FMN1: variants seen among roughly 807,000 people sequenced by gnomAD.
The protein encoded by FMN1 is formin 1.
Under a neutral mutation model 132.4 loss-of-function variants are expected in FMN1, and 110 were observed. That is an observed-to-expected ratio of 0.83 (90% CI 0.71 to 0.97). FMN1 has a LOEUF of 0.97. Ranked by LOEUF, FMN1 falls within the 50% of genes least tolerant of loss-of-function variation. FMN1 has a pLI of 0.00. For synonymous variants in FMN1, 722 were observed against 651.7 expected (o/e 1.11, Z -1.64); for missense variants, 1,792 against 1,705.3 (o/e 1.05, Z -0.90).
intron 5 of FMN1, among the ~76,000 whole-genome samples, chr15:33,082,838 T>C (rs183286287): frequency 5.8e-4 from 88 of 150,820 alleles, no homozygotes; most frequent in African/African-American, 1.9e-3. Flanking sequence ...ATAGAGTTAG[T>C]TAATAAAATA....
intron 6 of FMN1, among the ~76,000 whole-genome samples, chr15:33,011,385 G>A (rs1360920285): frequency 2.6e-5 from 4 of 151,962 alleles, no homozygotes. Flanking sequence ...GACAAAACTG[G>A]ATCCTAACCT....
At position 33,124,183 on chromosome 15, in the gene FMN1, G is replaced by A. The variant is rs1010636292; in HGVS notation, c.1867+28865C>T. On this transcript the variant is annotated intron_variant, in intron 4 of 20. Coordinates refer to ENST00000616417, the MANE Select transcript of FMN1 (RefSeq NM_001277313.2). ...CATCCTAACCATGCAGAGTGCAAAG[G>A]GTGAGACGTGGCTTTTCAAAAGAAA... 3.7e-4 allele frequency among the ~76,000 whole-genome samples: 56 copies of A among 152,148 alleles called. 1 individual carries two copies. The highest frequency in any genetic ancestry group is 1.3e-3 in the African/African-American group (55 of 41,410).
At position 32,969,491 on chromosome 15, in the gene FMN1, C is replaced by A. The variant is rs370156715; in HGVS notation, c.2224-14G>T. ...TTCAAACTGTGCCTATAGGAAAATT[C>A]AGAGGGAAAGAAAGTAATGAGTTTA... On this transcript the variant is annotated splice_polypyrimidine_tract_variant and intron_variant, in intron 7 of 20. Transcript: ENST00000616417. The A allele has an allele frequency of 5.7e-4, 918 of 1,609,942 alleles. No homozygotes were observed. The highest frequency in any genetic ancestry group is 7.5e-4 in the Non-Finnish European group (881 of 1,177,966).
chr15:33,116,773 A>C (rs570400889), intron 4 of FMN1, among the ~76,000 whole-genome samples: 2 of 152,192 alleles, frequency 1.3e-5, no homozygotes, highest in East Asian at 1.9e-4. Context: ...CCCTCATGAG[A>C]AATAGTCGAC....
intron 4 of FMN1, among the ~76,000 whole-genome samples, chr15:33,119,688 A>C (rs542702101): frequency 1.3e-5 from 2 of 152,346 alleles, no homozygotes; most frequent in Admixed American, 6.5e-5. Context: ...CAAAACTTCC[A>C]AAAATTTTTT....
chr15:32,971,285 C>G (rs971760513), intron 7 of FMN1, among the ~76,000 whole-genome samples: 1 of 152,190 alleles, frequency 6.6e-6, no homozygotes, highest in Admixed American at 6.5e-5. Context: ...AAGAGACTAA[C>G]AAATTCCTAA....
At chr15:33,163,078 C>T (rs570462526) in intron 3 of FMN1, among the ~76,000 whole-genome samples, 156 of 152,146 alleles carry the variant, frequency 1.0e-3, no homozygotes, top group African/African-American at 3.7e-3. Context: ...GCCGAGATCA[C>T]GCCACTGTAC....
At chr15:32,804,361 T>A (rs1262322432) in intron 17 of FMN1, 29 bp from the exon 18 acceptor site, 1 of 1,463,392 alleles carries the variant, frequency 6.8e-7, no homozygotes, top group Non-Finnish European at 9.3e-7. Context: ...GATTAAAAAT[T>A]TTTTCTTCTG....
chr15:32,952,596 A>T (rs1036552276), intron 9 of FMN1, among the ~76,000 whole-genome samples: 4 of 152,174 alleles, frequency 2.6e-5, no homozygotes, highest in African/African-American at 7.2e-5. Flanking sequence ...ATTTTAAACT[A>T]AGGAAGTTGT....
At chr15:33,110,807 A>T (rs754119517) in intron 4 of FMN1, among the ~76,000 whole-genome samples, 24 of 152,142 alleles carry the variant, frequency 1.6e-4, no homozygotes, top group Non-Finnish European at 3.4e-4. Flanking sequence ...AAACAAAAAT[A>T]AGAACAACTT....
At chr15:32,944,200 G>C (rs1459512591) in intron 9 of FMN1, among the ~76,000 whole-genome samples, 1 of 152,208 alleles carries the variant, frequency 6.6e-6, no homozygotes, top group East Asian at 1.9e-4. Flanking sequence ...TTACTTGGCA[G>C]GTGCCCAGGA....
chr15:32,897,617 A>G (rs576311224), intron 15 of FMN1, among the ~76,000 whole-genome samples: 3 of 152,342 alleles, frequency 2.0e-5, no homozygotes, highest in Admixed American at 1.3e-4. Flanking sequence ...CAAGGTTGTA[A>G]AAGATTGGAA....
intron 4 of FMN1, among the ~76,000 whole-genome samples, chr15:33,141,457 C>T (rs973595000): frequency 1.3e-5 from 2 of 152,116 alleles, no homozygotes; most frequent in African/African-American, 2.4e-5. Context: ...TCACCCATCA[C>T]GGGTAGGATC....
intron 4 of FMN1, among the ~76,000 whole-genome samples, chr15:33,135,397 G>A (rs1411209246): frequency 6.6e-6 from 1 of 152,172 alleles, no homozygotes; most frequent in Non-Finnish European, 1.5e-5. Context: ...GACAACAGCA[G>A]GAAGATCTCA....
intron 19 of FMN1, among the ~76,000 whole-genome samples, chr15:32,782,917 G>A (rs1345821994): frequency 6.6e-6 from 1 of 152,166 alleles, no homozygotes; most frequent in Non-Finnish European, 1.5e-5. Context: ...ATCAAATACT[G>A]CATGGTCTCA....
At chr15:33,092,175 CATG>C (rs1274808696) in intron 4 of FMN1, among the ~76,000 whole-genome samples, 1 of 152,210 alleles carries the variant, frequency 6.6e-6, no homozygotes, top group Non-Finnish European at 1.5e-5. Flanking sequence ...AAGCCATTCA[CATG>C]ATGAGCTGCA....
At chr15:32,977,749 C>T (rs1293701542) in intron 7 of FMN1, among the ~76,000 whole-genome samples, 1 of 151,914 alleles carries the variant, frequency 6.6e-6, no homozygotes, top group African/African-American at 2.4e-5. Context: ...ATTATCTAAG[C>T]AATATAAACA....
chr15:32,828,116 A>G (rs1198540513), intron 17 of FMN1, among the ~76,000 whole-genome samples: 1 of 152,148 alleles, frequency 6.6e-6, no homozygotes, highest in Non-Finnish European at 1.5e-5. Flanking sequence ...AACATGGTGA[A>G]ATACAAAAAT....
At chr15:32,901,889 T>G (rs759059196) in intron 13 of FMN1, 22 bp downstream of exon 13, 1 of 1,588,452 alleles carries the variant, frequency 6.3e-7, no homozygotes, top group Admixed American at 1.9e-5. Flanking sequence ...AGGCTATCTT[T>G]TAAATTAGAC....
Sources: allele counts gnomAD v4.1 joint callset (sites outside exome capture counted in the v4.1 genomes callset), GRCh38; gene constraint gnomAD v4.1.1; transcripts MANE v1.5; gene names NCBI Gene and HGNC (gene_info 2026-07-23, HGNC 2026-07-21).